SYN2: variants seen among roughly 807,000 people sequenced by gnomAD.
SYN2 encodes the protein synapsin II, also known as synapsin-2.
A neutral mutation model predicts 50.9 loss-of-function variants in SYN2; 19 were observed. The ratio of observed to expected loss-of-function variants is 0.37; its 90% CI spans 0.26 to 0.55. The LOEUF (loss-of-function observed/expected upper bound fraction) is 0.55. Ranked by LOEUF, SYN2 falls within the 20% of genes least tolerant of loss-of-function variation. The probability of loss-of-function intolerance (pLI) is 0.81; values close to 1 mark genes in which losing one functional copy is unlikely to be tolerated. For synonymous variants in SYN2, 255 were observed against 224.9 expected (o/e 1.13, Z -1.20); for missense variants, 587 against 576.4 (o/e 1.02, Z -0.19).
intron 1 of SYN2, among the ~76,000 whole-genome samples, chr3:12,118,768 G>A (rs1022739734): frequency 1.3e-5 from 2 of 152,046 alleles, no homozygotes; most frequent in African/African-American, 4.8e-5. Flanking sequence ...AGTACTATCT[G>A]ATAAAAATAT....
chr3:12,057,270 C>T (rs549490348), intron 1 of SYN2, among the ~76,000 whole-genome samples: 104 of 132,144 alleles, frequency 7.9e-4, no homozygotes, highest in Middle Eastern at 7.8e-3. Flanking sequence ...CCAACCTGGG[C>T]GACAAGGCAA....
At chr3:12,029,694 A>G (rs1222880775) in intron 1 of SYN2, among the ~76,000 whole-genome samples, 1 of 5,644 alleles carries the variant, frequency 1.8e-4, no homozygotes, top group Non-Finnish European at 2.3e-4. Flanking sequence ...TTGTTGGTGT[A>G]TAGGAATGCT....
intron 11 of SYN2, chr3:12,183,645 T>A: frequency 7.1e-7 from 1 of 1,405,900 alleles, no homozygotes; most frequent in Non-Finnish European, 9.2e-7. Flanking sequence ...CTCACTTATG[T>A]TTTCTCTGTA....
At chr3:12,065,398 G>C (rs1433783904) in intron 1 of SYN2, among the ~76,000 whole-genome samples, 1 of 152,100 alleles carries the variant, frequency 6.6e-6, no homozygotes, top group Non-Finnish European at 1.5e-5. Flanking sequence ...AAAAACACAT[G>C]CACTTATATG....
At chr3:12,175,358 C>A (rs967016919) in intron 10 of SYN2, among the ~76,000 whole-genome samples, 2 of 152,200 alleles carry the variant, frequency 1.3e-5, no homozygotes, top group Non-Finnish European at 2.9e-5. Flanking sequence ...AGGATGTGAA[C>A]CGAGGAACAT....
At chr3:12,106,876 C>T (rs562442233) in intron 1 of SYN2, among the ~76,000 whole-genome samples, 6 of 151,802 alleles carry the variant, frequency 4.0e-5, no homozygotes, top group Non-Finnish European at 7.4e-5. Context: ...TTTTTTTTAA[C>T]AGCTGCTTTA....
chr3:12,183,491 C>T lies in SYN2; in HGVS notation c.1369+119C>T, dbSNP rs905727454. On this transcript the variant is annotated intron_variant, in intron 11 of 12. Coordinates refer to ENST00000621198, the MANE Select transcript of SYN2 (RefSeq NM_133625.6). ...GCAGAAATTTTAAGCCAAAAACAAA[C>T]GAAAGGAAAGCGGGGAGGGGAAAAC... is the stretch of plus-strand genomic sequence containing the variant. The T allele has an allele frequency of 4.7e-5, 76 of 1,600,508 alleles. 1 individual carries two copies. Among genetic ancestry groups the T allele is most frequent in the Non-Finnish European group, 5.6e-5 (66 of 1,174,224 alleles).
intron 1 of SYN2, among the ~76,000 whole-genome samples, chr3:12,138,190 T>A (rs1193642249): frequency 6.6e-6 from 1 of 152,212 alleles, no homozygotes; most frequent in Non-Finnish European, 1.5e-5. Flanking sequence ...AGAAGAGGGC[T>A]CTGTGCCCCA....
intron 1 of SYN2, among the ~76,000 whole-genome samples, chr3:12,080,775 T>TTGC (rs1487350507): frequency 1.3e-5 from 2 of 152,226 alleles, no homozygotes; most frequent in Non-Finnish European, 2.9e-5. Context: ...AGAATGTGTA[T>TTGC]TCTGTTGTTT....
Position 12,004,534 on chromosome 3 carries a change from C to A in SYN2, c.-18C>A, listed in dbSNP as rs754673096. 1.6e-6 allele frequency: 1 copy of A among 619,122 alleles called. No homozygotes were observed. The allele number at this position is 619,122 out of a possible 1,614,324, so 38.4% of individuals were successfully genotyped here. A position where few individuals can be genotyped will look rare whatever the true frequency, so the allele number is the denominator to read the frequency against. The stretch of plus-strand genomic sequence containing the variant: ...ACCAGACCCCGTAGCCCCGCGCGCC[C>A]CCAGCCCTTTAAGCCAGATGATGAA... On this transcript the variant is annotated 5_prime_UTR_variant, in exon 1 of 13. Coordinates refer to ENST00000621198, the MANE Select transcript of SYN2 (RefSeq NM_133625.6).
At chr3:12,094,553 C>G (rs1422078149) in intron 1 of SYN2, among the ~76,000 whole-genome samples, 1 of 152,228 alleles carries the variant, frequency 6.6e-6, no homozygotes. Context: ...ATGCCATTTA[C>G]TTTTTGTGTA....
At chr3:12,048,411 A>T (rs543911707) in intron 1 of SYN2, among the ~76,000 whole-genome samples, 1 of 152,126 alleles carries the variant, frequency 6.6e-6, no homozygotes, top group Non-Finnish European at 1.5e-5. Flanking sequence ...CAAGTGATCC[A>T]CCTGCTTTGG....
At chr3:12,047,415 G>A (rs1397076783) in intron 1 of SYN2, among the ~76,000 whole-genome samples, 1 of 152,096 alleles carries the variant, frequency 6.6e-6, no homozygotes, top group African/African-American at 2.4e-5. Flanking sequence ...GATGGAAGGG[G>A]TACTATTTGA....
chr3:12,051,451 G>T (rs1255878802), intron 1 of SYN2, among the ~76,000 whole-genome samples: 2 of 142,680 alleles, frequency 1.4e-5, no homozygotes, highest in Non-Finnish European at 3.1e-5. Context: ...GCTACTGCTG[G>T]TCTTCTAGTT....
intron 1 of SYN2, among the ~76,000 whole-genome samples, chr3:12,101,435 G>A (rs1016809820): frequency 1.3e-5 from 2 of 152,018 alleles, no homozygotes; most frequent in Non-Finnish European, 2.9e-5. Context: ...TCCAGAATAG[G>A]CAAATTTACA....
intron 11 of SYN2, chr3:12,183,656 T>A (rs1053089618): frequency 8.0e-6 from 11 of 1,381,590 alleles, no homozygotes; most frequent in Non-Finnish European, 1.0e-5. Flanking sequence ...TTTCTCTGTA[T>A]AACTTGTGAT....
chr3:12,112,954 GA>G (rs1368212244), intron 1 of SYN2, among the ~76,000 whole-genome samples: 2 of 152,198 alleles, frequency 1.3e-5, no homozygotes, highest in Non-Finnish European at 2.9e-5. Context: ...ATGCTTTGTA[GA>G]GTAGGTAAGA....
intron 1 of SYN2, among the ~76,000 whole-genome samples, chr3:12,117,600 C>T (rs1418892484): frequency 2.0e-5 from 3 of 152,294 alleles, no homozygotes; most frequent in East Asian, 3.9e-4. Flanking sequence ...CTCACCCTCC[C>T]AAATAACATC....
chr3:12,114,638 G>C (rs116286676), intron 1 of SYN2, among the ~76,000 whole-genome samples: 2,552 of 152,042 alleles, frequency 0.017, 29 homozygotes, highest in Non-Finnish European at 0.025. Flanking sequence ...GAATCTAGGT[G>C]GGGGGTTCTC....
Sources: allele counts gnomAD v4.1 joint callset (sites outside exome capture counted in the v4.1 genomes callset), GRCh38; gene constraint gnomAD v4.1.1; transcripts MANE v1.5; gene names NCBI Gene and HGNC (gene_info 2026-07-23, HGNC 2026-07-21).